Variants in TMEM108 observed in about 807,000 individuals in gnomAD.
The protein encoded by TMEM108 is transmembrane protein 108.
TMEM108 carries 12 observed loss-of-function variants against 35.1 expected under a neutral mutation model. The ratio of observed to expected loss-of-function variants is 0.34; its 90% CI spans 0.22 to 0.55. The LOEUF is 0.55. Among genes scored for constraint, TMEM108 ranks in the 20% least tolerant of loss-of-function variants. TMEM108 has a pLI of 0.89. For missense variants in TMEM108, 680 were observed against 753.3 expected, an observed-to-expected ratio of 0.90 and a Z score of 1.14; for synonymous variants, 287 against 308.6, an observed-to-expected ratio of 0.93 and a Z score of 0.73.
chr3:133,132,837 G>T (rs1229077206), intron 2 of TMEM108, among the ~76,000 whole-genome samples: 1 of 151,948 alleles, frequency 6.6e-6, no homozygotes, highest in African/African-American at 2.4e-5. Flanking sequence ...ATGGGAAGAG[G>T]TCAAAATATC....
intron 3 of TMEM108, among the ~76,000 whole-genome samples, chr3:133,269,983 A>C (rs1355242936): frequency 2.0e-5 from 3 of 152,204 alleles, no homozygotes; most frequent in African/African-American, 7.2e-5. Flanking sequence ...GGGGGAAGGG[A>C]TGCTAATTAA....
intron 2 of TMEM108, among the ~76,000 whole-genome samples, chr3:133,065,316 A>G (rs992365678): frequency 6.6e-6 from 1 of 152,182 alleles, no homozygotes; most frequent in Non-Finnish European, 1.5e-5. Flanking sequence ...ACATGCACAC[A>G]CACATGCACA....
intron 3 of TMEM108, among the ~76,000 whole-genome samples, chr3:133,296,929 C>T (rs1947153785): frequency 6.6e-6 from 1 of 152,122 alleles, no homozygotes. Context: ...CTAGTGATAT[C>T]AACTATCCCC....
At chr3:133,216,382 C>T (rs963677793) in intron 2 of TMEM108, among the ~76,000 whole-genome samples, 1 of 152,064 alleles carries the variant, frequency 6.6e-6, no homozygotes, top group Non-Finnish European at 1.5e-5. Flanking sequence ...TGCTAATAAT[C>T]AGTGAAGTCC....
At chr3:133,181,362 G>A (rs1945342323) in intron 2 of TMEM108, among the ~76,000 whole-genome samples, 1 of 151,976 alleles carries the variant, frequency 6.6e-6, no homozygotes, top group African/African-American at 2.4e-5. Context: ...AATCACTAGG[G>A]GCTACATTAT....
At chr3:133,373,429 GATA>G (rs1335226505) in intron 3 of TMEM108, among the ~76,000 whole-genome samples, 4 of 139,690 alleles carry the variant, frequency 2.9e-5, no homozygotes, top group Admixed American at 2.3e-4. Flanking sequence ...TAGATAGATA[GATA>G]GATAGATAGA....
intron 3 of TMEM108, among the ~76,000 whole-genome samples, chr3:133,289,360 T>C (rs534906561): frequency 6.6e-6 from 1 of 152,352 alleles, no homozygotes; most frequent in South Asian, 2.1e-4. Flanking sequence ...TCAGCCACTG[T>C]ACTCAAGGTT....
intron 2 of TMEM108, among the ~76,000 whole-genome samples, chr3:133,064,781 A>G (rs1393586804): frequency 6.6e-6 from 1 of 152,020 alleles, no homozygotes; most frequent in Admixed American, 6.6e-5. Flanking sequence ...AGGGGAAGAT[A>G]ATGCTGATGA....
chr3:133,148,184 C>A (rs1944748652), intron 2 of TMEM108, among the ~76,000 whole-genome samples: 1 of 152,252 alleles, frequency 6.6e-6, no homozygotes, highest in Non-Finnish European at 1.5e-5. Context: ...TAGCCCAGGG[C>A]TCCTTGGAGA....
chr3:133,213,506 G>A lies in TMEM108; in HGVS notation c.-46-15760G>A, dbSNP rs1039266458. On this transcript the variant is annotated intron_variant, in intron 2 of 5. Transcript: ENST00000321871. The stretch of plus-strand genomic sequence containing the variant: ...GTTGATCAGGAGTAGCCAAACAAGA[G>A]TATTCTGTTCATATTCTATAAAACT... Among the ~76,000 whole-genome samples, 10 of 152,280 alleles carry A rather than the reference G, an allele frequency of 6.6e-5. No homozygotes were observed. The South Asian group carries it at 2.1e-3, about 32-fold the overall frequency.
At chr3:133,084,678 T>C (rs1943858682) in intron 2 of TMEM108, among the ~76,000 whole-genome samples, 1 of 152,194 alleles carries the variant, frequency 6.6e-6, no homozygotes, top group Non-Finnish European at 1.5e-5. Flanking sequence ...GCACTTCACA[T>C]ATATTACGTC....
chr3:133,334,345 C>T (rs1053484302), intron 3 of TMEM108, among the ~76,000 whole-genome samples: 1 of 152,142 alleles, frequency 6.6e-6, no homozygotes, highest in African/African-American at 2.4e-5. Flanking sequence ...AAAAACGAGA[C>T]CCAGTAAGAC....
At chr3:133,064,458 A>G (rs1413949666) in intron 2 of TMEM108, among the ~76,000 whole-genome samples, 1 of 152,206 alleles carries the variant, frequency 6.6e-6, no homozygotes, top group Non-Finnish European at 1.5e-5. Flanking sequence ...ACATATTTGT[A>G]TAAATAAAGA....
At chr3:133,351,145 A>G (rs549335723) in intron 3 of TMEM108, among the ~76,000 whole-genome samples, 57 of 152,174 alleles carry the variant, frequency 3.7e-4, no homozygotes, top group Non-Finnish European at 5.3e-4. Context: ...TTGCTTGCCT[A>G]TGAGGACTGG....
At chr3:133,384,436 G>A (rs1355362073) in intron 4 of TMEM108, among the ~76,000 whole-genome samples, 1 of 152,194 alleles carries the variant, frequency 6.6e-6, no homozygotes, top group Non-Finnish European at 1.5e-5. Flanking sequence ...GAGGGTGTCC[G>A]TTCACCTGCC....
At chr3:133,199,926 T>A (rs1945636570) in intron 2 of TMEM108, among the ~76,000 whole-genome samples, 1 of 152,184 alleles carries the variant, frequency 6.6e-6, no homozygotes, top group African/African-American at 2.4e-5. Context: ...CAGTTCGAGC[T>A]TCATGGCTGC....
At chr3:133,080,971 C>G (rs887161554) in intron 2 of TMEM108, among the ~76,000 whole-genome samples, 1 of 151,768 alleles carries the variant, frequency 6.6e-6, no homozygotes, top group African/African-American at 2.4e-5. Flanking sequence ...ATGAAAGGAA[C>G]ATGAACTTTA....
intron 5 of TMEM108, among the ~76,000 whole-genome samples, chr3:133,391,485 T>C (rs2073234418): frequency 6.6e-6 from 1 of 152,130 alleles, no homozygotes; most frequent in South Asian, 2.1e-4. Flanking sequence ...GCTTAAAACC[T>C]TCTCATTTCT....
chr3:133,226,412 T>G (rs944056416), intron 2 of TMEM108, among the ~76,000 whole-genome samples: 21 of 152,208 alleles, frequency 1.4e-4, no homozygotes, highest in Admixed American at 2.6e-4. Context: ...AATATATTTT[T>G]GGGTAAAATA....
Sources: allele counts gnomAD v4.1 joint callset (sites outside exome capture counted in the v4.1 genomes callset), GRCh38; gene constraint gnomAD v4.1.1; transcripts MANE v1.5; gene names NCBI Gene and HGNC (gene_info 2026-07-23, HGNC 2026-07-21).